IFT172: variants seen among roughly 807,000 people sequenced by gnomAD.
IFT172 encodes the protein intraflagellar transport 172.
A neutral mutation model predicts 248.9 loss-of-function variants in IFT172; 164 were observed. The ratio of observed to expected loss-of-function variants is 0.66; its 90% CI spans 0.58 to 0.75. The LOEUF (loss-of-function observed/expected upper bound fraction) is 0.75, where lower values mean the gene tolerates loss of function less well. IFT172 is among the 30% of genes least tolerant of loss of function. IFT172 has a pLI of 0.00. For synonymous variants in IFT172, 729 were observed against 791.6 expected (o/e 0.92, Z 1.33); for missense variants, 1,950 against 2,192.4 (o/e 0.89, Z 2.21).
rs543103111 is a variant in IFT172, at chr2:27,461,202, A to T, written c.2442+67T>A. 1.2e-4 allele frequency: 187 copies of T among 1,611,788 alleles called. 7 individuals are homozygous for T. The South Asian group carries it at 1.8e-3, about 16-fold the overall frequency. ...GTCAGGAAGCGCTCTGCACCCCAAG[A>T]CTCCTCTGGGTAAGGGAAGGGTCCT... On this transcript the variant is annotated intron_variant, in intron 22 of 47. Transcript: ENST00000260570.
intron 8 of IFT172, among the ~76,000 whole-genome samples, chr2:27,480,589 A>T (rs998233028): frequency 3.9e-5 from 6 of 152,188 alleles, no homozygotes; most frequent in African/African-American, 1.4e-4. Context: ...CTGTTCCATC[A>T]TTCATTCATT....
Position 27,461,441 on chromosome 2 carries a change from C to T in IFT172, c.2270G>A (p.Gly757Asp). Residue 757 changes from glycine to aspartate, a missense_variant, in exon 22 of 48, where the codon GGT (glycine) becomes GAT (aspartate). Physicochemically the swap from Gly to Asp is moderately conservative, Grantham distance 94. Transcript: ENST00000260570. ...ATCCCCTTGGCTCTCCTGTAGTTCA[C>T]CTGCTCGCTCCTCTTGCTGTGTGTC... The part of the protein sequence containing the change: ...LMDTQQEERA[G>D]ELQESQGDGL... 3 of 1,614,196 alleles carry T rather than the reference C, an allele frequency of 1.9e-6. No individual in the cohort carries two copies. Among genetic ancestry groups the T allele is most frequent in the Non-Finnish European group, 2.5e-6 (3 of 1,180,024 alleles).
intron 7 of IFT172, among the ~76,000 whole-genome samples, chr2:27,482,076 G>A (rs916137304): frequency 7.3e-5 from 11 of 150,668 alleles, no homozygotes; most frequent in East Asian, 2.0e-4. Context: ...CTCCCCTCCC[G>A]GGTTCAAGCA....
At chr2:27,484,780 T>C (rs1255351502) in intron 3 of IFT172, among the ~76,000 whole-genome samples, 3 of 152,174 alleles carry the variant, frequency 2.0e-5, no homozygotes, top group Non-Finnish European at 2.9e-5. Flanking sequence ...GACATCACTC[T>C]GGGCTTCCAG....
At chr2:27,477,898 C>T (rs1668083146) in intron 11 of IFT172, 97 bp downstream of exon 11, 1 of 1,470,378 alleles carries the variant, frequency 6.8e-7, no homozygotes, top group South Asian at 1.3e-5. Context: ...AATGTTAGAA[C>T]TTCTCATGGA....
chr2:27,444,955 T>C, intron 47 of IFT172, 59 bp downstream of exon 47: 5 of 1,575,710 alleles, frequency 3.2e-6, no homozygotes, highest in Non-Finnish European at 4.3e-6. Context: ...AGACTTGTTT[T>C]TTTTTCTTTT....
intron 1 of IFT172, among the ~76,000 whole-genome samples, chr2:27,488,679 T>C (rs1414279436): frequency 6.6e-6 from 1 of 152,238 alleles, no homozygotes; most frequent in Non-Finnish European, 1.5e-5. Flanking sequence ...TATATTACTC[T>C]ATATAACTCT....
intron 47 of IFT172, 58 bp from the exon 48 acceptor site, chr2:27,444,579 G>A: frequency 7.3e-7 from 1 of 1,365,052 alleles, no homozygotes; most frequent in Non-Finnish European, 1.0e-6. Flanking sequence ...TACAAAATCA[G>A]CTCCATCGCA....
In IFT172 at chr2:27,462,772, A is replaced by C. The variant is rs747734541; in HGVS notation, c.2044T>G (p.Tyr682Asp). ...ATGGCTAGACGTGCTCGGACCTGAT[A>C]AAAGTCTGTTCCTTCTCCGCCCTGT... is the stretch of plus-strand genomic sequence containing the variant. ...REYGGEGTDF[Y>D]QVRARLAMLE... is the part of the protein sequence containing the mutation. Residue 682 changes from tyrosine to aspartate, a missense_variant, in exon 20 of 48, where the codon TAT (tyrosine) becomes GAT (aspartate). Tyr to Asp is a radical substitution (Grantham distance 160). Coordinates refer to ENST00000260570, the MANE Select transcript of IFT172 (RefSeq NM_015662.3). 1.9e-6 allele frequency: 3 copies of C among 1,613,996 alleles called. No homozygotes were observed. The African/African-American group carries it at 4.0e-5, about 22-fold the overall frequency.
chr2:27,480,248 A>C, intron 8 of IFT172, 99 bp from the exon 9 acceptor site: 1 of 1,448,832 alleles, frequency 6.9e-7, no homozygotes, highest in Middle Eastern at 1.9e-4. Context: ...ATATCAGAAA[A>C]GAAAGGAAAT....
intron 7 of IFT172, among the ~76,000 whole-genome samples, chr2:27,482,044 C>T (rs968141076): frequency 6.6e-6 from 1 of 150,802 alleles, no homozygotes; most frequent in African/African-American, 2.4e-5. Flanking sequence ...AGTGCAGTGG[C>T]GCGTTCTCAC....
intron 18 of IFT172, among the ~76,000 whole-genome samples, chr2:27,464,345 C>A (rs1354533758): frequency 6.6e-6 from 1 of 152,124 alleles, no homozygotes; most frequent in Non-Finnish European, 1.5e-5. Context: ...GAGGCAAATA[C>A]TATTATTAAC....
At chr2:27,446,204 A>G (rs971103505) in intron 43 of IFT172, 56 bp downstream of exon 43, 1 of 1,557,572 alleles carries the variant, frequency 6.4e-7, no homozygotes, top group Non-Finnish European at 8.9e-7. Flanking sequence ...GGGATATTCT[A>G]TTTTCCAACC....
At chr2:27,471,950 A>C in intron 15 of IFT172, 1 of 461,634 alleles carries the variant, frequency 2.2e-6, no homozygotes, top group Non-Finnish European at 3.8e-6. Flanking sequence ...AGGCAGGAGA[A>C]TCACTTGAAC....
chr2:27,462,178 G>A (rs1423878162), intron 20 of IFT172, among the ~76,000 whole-genome samples: 3 of 152,022 alleles, frequency 2.0e-5, no homozygotes, highest in Non-Finnish European at 2.9e-5. Flanking sequence ...GATTACAGGC[G>A]TGTGCCACCA....
chr2:27,454,396 G>C lies in IFT172; in HGVS notation c.3488C>G (p.Ala1163Gly), dbSNP rs1242470983. ...EDEGKFEEAE[A>G]EFIRAGKPKE... ...GGGTTTACCAGCTCTGATGAATTCA[G>C]CTTCAGCCTCTTCGAATTTACCCTA... The change falls in exon 32 of 48, where the codon GCT becomes GGT. Residue 1163 changes from alanine to glycine, a missense_variant. This residue lies in a region of IFT172 where 164 missense variants were observed against 239.3 expected (regional missense o/e 0.69). Transcript: ENST00000260570. The surrounding 1 kb of genome is among the most constrained non-coding windows in gnomAD (Gnocchi z 4.2). 6.2e-7 allele frequency: 1 copy of C among 1,614,058 alleles called. No homozygotes were observed.
chr2:27,456,418 A>G (rs1433855761), intron 30 of IFT172, 93 bp downstream of exon 30: 3 of 1,484,760 alleles, frequency 2.0e-6, no homozygotes, highest in Non-Finnish European at 2.7e-6. Context: ...TGTCCTTCCA[A>G]GGATCTTTCT....
Position 27,483,721 on chromosome 2 carries a change from G to GA in IFT172, c.403-63dup, listed in dbSNP as rs1037796209. ...TATTTTATATTTAACTAGGCCCTAA[G>GA]AAAAAAAGGAAAAACTGTCCCACAA... is the stretch of plus-strand genomic sequence containing the variant. On this transcript the variant is annotated intron_variant, in intron 5 of 47. Transcript: ENST00000260570. 5.1e-6 allele frequency: 8 copies of GA among 1,556,910 alleles called. No homozygotes were observed. In the Admixed American group the frequency reaches 8.7e-5, roughly 17 times the overall value.
intron 20 of IFT172, among the ~76,000 whole-genome samples, chr2:27,462,203 T>C (rs1395470057): frequency 6.6e-6 from 1 of 152,078 alleles, no homozygotes; most frequent in Non-Finnish European, 1.5e-5. Flanking sequence ...TGGCTAATTT[T>C]TTGTATTTTT....
Sources: gnomAD v4.1 joint callset for allele counts (sites outside exome capture counted in the v4.1 genomes callset) on GRCh38, gnomAD v4.1.1 for gene constraint, gnomAD v4.1.1 regional missense constraint, Gnocchi (gnomAD v3.1) non-coding constraint, MANE v1.5 for transcripts, NCBI Gene and HGNC (gene_info 2026-07-23, HGNC 2026-07-21) for gene names.